The following PRDM10 variants were observed in gnomAD, a reference collection of about 807,000 sequenced individuals.
PRDM10 encodes PR domain zinc finger protein 10.
A neutral mutation model predicts 133.1 loss-of-function variants in PRDM10; 65 were observed. That is an observed-to-expected ratio of 0.49 (90% CI 0.40 to 0.60). The LOEUF (loss-of-function observed/expected upper bound fraction) is 0.60, where lower values mean the gene tolerates loss of function less well. Ranked by LOEUF, PRDM10 falls within the 20% of genes least tolerant of loss-of-function variation. The pLI, the probability that PRDM10 is intolerant of heterozygous loss-of-function variation, is 0.00. For missense variants in PRDM10, 1,137 were observed against 1,507.1 expected, an observed-to-expected ratio of 0.75 and a Z score of 4.07; for synonymous variants, 582 against 580.4, an observed-to-expected ratio of 1.00 and a Z score of -0.04.
chr11:129,928,804 T>C (rs1446873254), intron 11 of PRDM10, among the ~76,000 whole-genome samples: 3 of 152,290 alleles, frequency 2.0e-5, no homozygotes, highest in East Asian at 1.9e-4. Flanking sequence ...ATCCTTCCAC[T>C]GCACCCCTGC....
intron 4 of PRDM10, among the ~76,000 whole-genome samples, chr11:129,951,023 G>A (rs1044018836): frequency 7.9e-5 from 12 of 152,164 alleles, no homozygotes; most frequent in Middle Eastern, 3.2e-3. Flanking sequence ...CTCTAAAAGC[G>A]GAGTTTGGAT....
At chr11:129,938,122 C>CT (rs369918477) in intron 7 of PRDM10, among the ~76,000 whole-genome samples, 219 of 148,458 alleles carry the variant, frequency 1.5e-3, no homozygotes, top group Non-Finnish European at 2.4e-3. Flanking sequence ...CTGTTGGCCT[C>CT]TTTTTTTTTT....
chr11:129,915,951 G>A (rs910830622), intron 15 of PRDM10, 91 bp from the exon 16 acceptor site: 27 of 1,295,772 alleles, frequency 2.1e-5, no homozygotes, highest in Admixed American at 2.0e-4. Flanking sequence ...AGAAAATGAG[G>A]AAAAGTATTC....
intron 1 of PRDM10, among the ~76,000 whole-genome samples, chr11:129,990,108 G>A (rs996890576): frequency 2.0e-5 from 3 of 152,114 alleles, no homozygotes; most frequent in Non-Finnish European, 4.4e-5. Flanking sequence ...TACTTTGGGA[G>A]GCCGAGGCAG....
intron 5 of PRDM10, among the ~76,000 whole-genome samples, chr11:129,946,046 C>T (rs1332600496): frequency 2.0e-5 from 3 of 151,104 alleles, no homozygotes; most frequent in Non-Finnish European, 4.4e-5. Flanking sequence ...AGACCAGTCT[C>T]GCCAACATGG....
chr11:129,951,620 C>A (rs189984684), intron 4 of PRDM10, among the ~76,000 whole-genome samples: 1 of 152,250 alleles, frequency 6.6e-6, no homozygotes, highest in African/African-American at 2.4e-5. Context: ...TCTGAAAGGA[C>A]ATAATGCATT....
intron 1 of PRDM10, among the ~76,000 whole-genome samples, chr11:129,972,627 C>T (rs1053813051): frequency 1.3e-5 from 2 of 152,168 alleles, no homozygotes; most frequent in Non-Finnish European, 2.9e-5. Flanking sequence ...GCTGAGACTT[C>T]TAACACTCTT....
chr11:129,973,778 C>T (rs767708941), intron 1 of PRDM10, among the ~76,000 whole-genome samples: 4 of 152,084 alleles, frequency 2.6e-5, no homozygotes, highest in Non-Finnish European at 5.9e-5. Context: ...CTTGAAGAAA[C>T]AGAACAGTGT....
At chr11:129,974,437 G>C (rs560301386) in intron 1 of PRDM10, among the ~76,000 whole-genome samples, 1 of 152,198 alleles carries the variant, frequency 6.6e-6, no homozygotes, top group Non-Finnish European at 1.5e-5. Context: ...AATAAATGGA[G>C]TGGGAGTGGG....
At position 129,935,185 on chromosome 11, in the gene PRDM10, T is replaced by G; in HGVS notation, c.1073A>C (p.Tyr358Ser). The part of the protein sequence containing the change: ...LREQEKNWPC[Y>S]ECNRRFISSE... ...GCTTATAAATCGGCGGTTACATTCA[T>G]AGCAGGGCCAATTCTTCTCTTGCTC... The change falls in exon 9 of 21, where the codon TAT becomes TCT. Residue 358 changes from tyrosine (Y) to serine (S), a missense_variant. Transcript: ENST00000360871. 1.9e-6 allele frequency: 3 copies of G among 1,614,062 alleles called. No homozygotes were observed. The highest frequency in any genetic ancestry group is 2.5e-6 in the Non-Finnish European group (3 of 1,179,918).
In PRDM10 at chr11:129,925,413, CAAA is replaced by C. The variant is rs573088991; in HGVS notation, c.1531-187_1531-185del. On this transcript the variant is annotated intron_variant, in intron 11 of 20. Transcript: ENST00000360871. ...AAGACACTGAAAATGAAGCCATCCTCAAAGAAGCTCATCTTAAAGAGATGAAAT... is the reference window on the plus strand; with the variant it reads ...AAGACACTGAAAATGAAGCCATCCTCGAAGCTCATCTTAAAGAGATGAAAT... Among the ~76,000 whole-genome samples the C allele has an allele frequency of 2.2e-3, 332 of 152,226 alleles. 1 individual carries two copies. The highest frequency in any genetic ancestry group is 3.6e-3 in the Non-Finnish European group (246 of 68,010).
In PRDM10 at chr11:129,900,406, C is replaced by T. The variant is rs1020227906; in HGVS notation, c.*1907G>A. On this transcript the variant is annotated 3_prime_UTR_variant, in exon 21 of 21. Transcript: ENST00000360871. ...TAGAAGGGAAAGCAACAAAGAGGTC[C>T]TTCCACAATATTTTCCTCTGTGTAT... The T allele has an allele frequency of 1.8e-4, 28 of 152,792 alleles. No individual in the cohort carries two copies. The highest frequency in any genetic ancestry group is 7.4e-5 in the Non-Finnish European group (5 of 68,020). 9.5% of individuals were successfully genotyped at this position (152,792 alleles called of 1,614,324 possible).
chr11:129,975,560 T>C (rs1198143817), intron 1 of PRDM10, among the ~76,000 whole-genome samples: 2 of 152,158 alleles, frequency 1.3e-5, no homozygotes, highest in Admixed American at 6.5e-5. Flanking sequence ...CACTCCCCCA[T>C]GGTGGGAATG....
rs1218051520 is a variant in PRDM10 at position 129,899,851 on chromosome 11, A to C, written c.*2462T>G. 1 of 152,652 alleles carries C rather than the reference A, an allele frequency of 6.6e-6. No homozygotes were observed. The highest frequency in any genetic ancestry group is 1.9e-4 in the East Asian group (1 of 5,198). The allele number at this position is 152,652 out of a possible 1,614,324, so 9.5% of individuals were successfully genotyped here. On this transcript the variant is annotated 3_prime_UTR_variant, in exon 21 of 21. Transcript: ENST00000360871. ...ATTTAAATAACAGGATAGGGTCAAC[A>C]TTTTCAACCAGTGGGTCAGCTTTAG...
At chr11:129,936,384 T>C (rs2135835671) in intron 8 of PRDM10, among the ~76,000 whole-genome samples, 1 of 152,234 alleles carries the variant, frequency 6.6e-6, no homozygotes, top group South Asian at 2.1e-4. Context: ...CCGGGTGCAG[T>C]GGCTCACGCC....
At chr11:129,924,266 G>C (rs900542746) in intron 12 of PRDM10, among the ~76,000 whole-genome samples, 1 of 152,070 alleles carries the variant, frequency 6.6e-6, no homozygotes, top group Admixed American at 6.6e-5. Flanking sequence ...CTTTTCCTTT[G>C]GTAATTGAAA....
At chr11:129,985,514 G>A (rs75167235) in intron 1 of PRDM10, among the ~76,000 whole-genome samples, 3,574 of 151,988 alleles carry the variant, frequency 0.024, 118 homozygotes, top group African/African-American at 0.076. Context: ...GTATTGGGCA[G>A]GGCACAGTGG....
chr11:129,914,593 A>G lies in PRDM10; in HGVS notation c.2841+111T>C, dbSNP rs777541067. ...GGCAGTTGTAAAATGCCCAAGGCTCAGAACTTCCACGCAGAAGGACATTAC... is the reference window on the plus strand; with the variant it reads ...GGCAGTTGTAAAATGCCCAAGGCTCGGAACTTCCACGCAGAAGGACATTAC... On this transcript the variant is annotated intron_variant, in intron 17 of 20. Transcript: ENST00000360871. The G allele has an allele frequency of 6.2e-6, 9 of 1,457,606 alleles. No homozygotes were observed. In the African/African-American group the frequency reaches 1.3e-4, roughly 20 times the overall value. The allele number at this position is 1,457,606 out of a possible 1,614,324, so 90.3% of individuals were successfully genotyped here. A position where few individuals can be genotyped will look rare whatever the true frequency, so the allele number is the denominator to read the frequency against.
chr11:129,940,654 C>G (rs56207824), intron 7 of PRDM10, among the ~76,000 whole-genome samples: 45,391 of 152,072 alleles, frequency 0.3, 6,912 homozygotes, highest in Non-Finnish European at 0.33. Flanking sequence ...CTGGACCTAT[C>G]AACACATCAT....
Sources: allele counts gnomAD v4.1 joint callset (sites outside exome capture counted in the v4.1 genomes callset), GRCh38; gene constraint gnomAD v4.1.1; transcripts MANE v1.5; gene names NCBI Gene and HGNC (gene_info 2026-07-23, HGNC 2026-07-21).